ZNF512: variants seen among roughly 807,000 people sequenced by gnomAD.
The protein encoded by ZNF512 is zinc finger protein 512.
ZNF512 carries 25 observed loss-of-function variants against 77.5 expected under a neutral mutation model. The observed-to-expected ratio is 0.32, with a 90% CI of 0.23 to 0.45. ZNF512 has a LOEUF of 0.45. ZNF512 is among the 20% of genes least tolerant of loss of function. The pLI is 1.00. For synonymous variants in ZNF512, 246 were observed against 239.9 expected (o/e 1.03, Z -0.24); for missense variants, 483 against 692.6 (o/e 0.70, Z 3.40).
chr2:27,600,791 G>C lies in ZNF512; in HGVS notation c.558G>C (p.Lys186Asn). The change falls in exon 6 of 14, where the codon AAG becomes AAC. Residue 186 changes from lysine (K) to asparagine (N), a missense_variant. This residue lies in a region of ZNF512 where 324 missense variants were observed against 525.0 expected (regional missense o/e 0.62). Transcript: ENST00000355467. ...AVGRKTIEGL[K>N]KHMENCKQEM... ...GGAGGAAGACCATAGAGGGTTTAAA[G>C]AAACACATGGAAAACTGCAAGCAGG... is the stretch of plus-strand genomic sequence containing the variant. 1.2e-6 allele frequency: 2 copies of C among 1,612,612 alleles called. No homozygotes were observed. The highest frequency in any genetic ancestry group is 1.7e-6 in the Non-Finnish European group (2 of 1,179,586).
chr2:27,621,059 C>T, intron 13 of ZNF512, 94 bp from the exon 14 acceptor site: 2 of 1,399,126 alleles, frequency 1.4e-6, no homozygotes, highest in Non-Finnish European at 2.0e-6. Flanking sequence ...CTGTGTTCTG[C>T]CCTAATCATG....
At chr2:27,583,628 G>A in intron 1 of ZNF512, 30 bp from the exon 2 acceptor site, 1 of 1,613,582 alleles carries the variant, frequency 6.2e-7, no homozygotes, top group Non-Finnish European at 8.5e-7. Context: ...GAGGTCCCTA[G>A]CACTCACTCG....
chr2:27,594,647 C>G (rs867435269), intron 2 of ZNF512, among the ~76,000 whole-genome samples: 1 of 138,816 alleles, frequency 7.2e-6, no homozygotes, highest in African/African-American at 2.7e-5. Context: ...ACTTCCCAGA[C>G]GGGGCGGCCG....
At chr2:27,611,150 G>C (rs1163838185) in intron 10 of ZNF512, among the ~76,000 whole-genome samples, 1 of 152,070 alleles carries the variant, frequency 6.6e-6, no homozygotes, top group Non-Finnish European at 1.5e-5. Flanking sequence ...AATAATTTTA[G>C]ACTAGTTAGC....
intron 6 of ZNF512, 89 bp downstream of exon 6, chr2:27,600,904 G>A: frequency 6.8e-7 from 1 of 1,468,528 alleles, no homozygotes; most frequent in Non-Finnish European, 9.2e-7. Flanking sequence ...TGGTTATAAT[G>A]GATGAAAAGC....
intron 10 of ZNF512, among the ~76,000 whole-genome samples, chr2:27,612,584 C>T (rs1672713498): frequency 6.6e-6 from 1 of 152,098 alleles, no homozygotes; most frequent in South Asian, 2.1e-4. Context: ...TTCCTTCTAG[C>T]CTTCCTTTTT....
At position 27,586,820 on chromosome 2, in the gene ZNF512, G is replaced by A. The variant is rs553303587; in HGVS notation, c.89+3104G>A. Among the ~76,000 whole-genome samples the A allele has an allele frequency of 3.3e-5, 5 of 152,138 alleles. No individual in the cohort carries two copies. In the East Asian group the frequency reaches 9.7e-4, roughly 29 times the overall value. On this transcript the variant is annotated intron_variant, in intron 2 of 13. Coordinates refer to ENST00000355467, the MANE Select transcript of ZNF512 (RefSeq NM_032434.4). ...CTGTACAGTGGTTTGCATATTCTAG[G>A]ATTTTATATAAATGAAGTCACACAG... is the stretch of plus-strand genomic sequence containing the variant.
At chr2:27,600,647 G>A in intron 5 of ZNF512, 44 bp from the exon 6 acceptor site, 3 of 1,582,092 alleles carry the variant, frequency 1.9e-6, no homozygotes, top group Non-Finnish European at 2.6e-6. Flanking sequence ...TTTGTTTCTG[G>A]AGAATACTGC....
chr2:27,603,693 G>A (rs1318686684), intron 9 of ZNF512, among the ~76,000 whole-genome samples: 2 of 148,578 alleles, frequency 1.3e-5, no homozygotes, highest in Non-Finnish European at 3.0e-5. Context: ...TTGGGCTCAA[G>A]CCATCTTCTT....
chr2:27,621,048 A>T, intron 13 of ZNF512, 105 bp from the exon 14 acceptor site: 7 of 1,269,092 alleles, frequency 5.5e-6, no homozygotes, highest in Non-Finnish European at 7.6e-6. Flanking sequence ...TTTCCTTCTT[A>T]CTGTGTTCTG....
chr2:27,585,215 C>T (rs933904899), intron 2 of ZNF512, among the ~76,000 whole-genome samples: 5 of 152,104 alleles, frequency 3.3e-5, no homozygotes, highest in Non-Finnish European at 5.9e-5. Context: ...GAATGAGGAG[C>T]AACATTTGGA....
In ZNF512 at chr2:27,590,868, T is replaced by C. The variant is rs148530042; in HGVS notation, c.89+7152T>C. On this transcript the variant is annotated intron_variant, in intron 2 of 13. Transcript: ENST00000355467. ...TCATTCTTAAAAATCCAAGTTTCTC[T>C]CTGGTATTATTTTTCTTCAGCTGGA... Among the ~76,000 whole-genome samples, 32 of 152,278 alleles carry C rather than the reference T, an allele frequency of 2.1e-4. 1 individual carries two copies. In the East Asian group the frequency reaches 6.2e-3, roughly 29 times the overall value.
At chr2:27,610,570 T>TATATACA (rs1558474909) in intron 10 of ZNF512, among the ~76,000 whole-genome samples, 1 of 14,448 alleles carries the variant, frequency 6.9e-5, no homozygotes. Flanking sequence ...ATATATATAT[T>TATATACA]TTTTTTTTTT....
At chr2:27,586,214 TTTG>T (rs70953868) in intron 2 of ZNF512, among the ~76,000 whole-genome samples, 304 of 149,530 alleles carry the variant, frequency 2.0e-3, no homozygotes, top group African/African-American at 6.5e-3. Flanking sequence ...CCATCAAGTC[TTTG>T]TTGTTGTTGT....
chr2:27,620,354 C>T (rs1673063502), intron 13 of ZNF512, among the ~76,000 whole-genome samples: 1 of 152,202 alleles, frequency 6.6e-6, no homozygotes, highest in South Asian at 2.1e-4. Context: ...AAAGCTTCCT[C>T]TTCTTTTTTA....
chr2:27,585,914 T>A (rs911089225), intron 2 of ZNF512, among the ~76,000 whole-genome samples: 1 of 152,188 alleles, frequency 6.6e-6, no homozygotes, highest in Non-Finnish European at 1.5e-5. Flanking sequence ...TAATCAAATG[T>A]CCTGGGGTTG....
chr2:27,613,041 A>G (rs1363242878), intron 10 of ZNF512, among the ~76,000 whole-genome samples: 1 of 151,824 alleles, frequency 6.6e-6, no homozygotes, highest in African/African-American at 2.4e-5. Flanking sequence ...TTTTCTTTCT[A>G]CTGTGTTCCC....
chr2:27,599,257 G>T (rs1161530864), intron 3 of ZNF512, among the ~76,000 whole-genome samples: 1 of 152,168 alleles, frequency 6.6e-6, no homozygotes, highest in Non-Finnish European at 1.5e-5. Context: ...GTCCTTGGTG[G>T]CTAGCCCTCT....
rs568938272 is a variant in ZNF512 at position 27,588,302 on chromosome 2, C to T, written c.89+4586C>T. ...TGGTGCCACTGCACTCCAGCCTGGG[C>T]GACAGAGCGAGATTCCGTCTTAAGA... On this transcript the variant is annotated intron_variant, in intron 2 of 13. Coordinates refer to ENST00000355467, the MANE Select transcript of ZNF512 (RefSeq NM_032434.4). Among the ~76,000 whole-genome samples, 6 of 151,938 alleles carry T rather than the reference C, an allele frequency of 3.9e-5. No homozygotes were observed. The South Asian group carries it at 6.3e-4, about 16-fold the overall frequency.
Sources: allele counts gnomAD v4.1 joint callset (sites outside exome capture counted in the v4.1 genomes callset), GRCh38; gene constraint gnomAD v4.1.1; regional missense constraint gnomAD v4.1.1; transcripts MANE v1.5; gene names NCBI Gene and HGNC (gene_info 2026-07-23, HGNC 2026-07-21).